Variants in DDX39A observed in about 807,000 individuals in gnomAD.
DDX39A encodes DExD-box helicase 39A, also known as ATP-dependent RNA helicase DDX39A.
In DDX39A, 13 loss-of-function variants were observed where a neutral mutation model predicts 46.3. The ratio of observed to expected loss-of-function variants is 0.28; its 90% CI spans 0.18 to 0.45. DDX39A has a LOEUF of 0.45. DDX39A is among the 20% of genes least tolerant of loss of function. The probability of loss-of-function intolerance (pLI) is 1.00; values close to 1 mark genes in which losing one functional copy is unlikely to be tolerated. For missense variants in DDX39A, 352 were observed against 581.8 expected (o/e 0.61, Z 4.06); for synonymous variants, 234 against 224.6 (o/e 1.04, Z -0.38).
At chr19:14,415,298 C>T (rs1055818892) in intron 1 of DDX39A, among the ~76,000 whole-genome samples, 11 of 151,988 alleles carry the variant, frequency 7.2e-5, no homozygotes, top group African/African-American at 2.4e-4. Context: ...TACTCCCTTC[C>T]TTTTTTTTCC....
rs1401152361 is a variant in DDX39A, at chr19:14,410,045, G to C, written c.732+171C>G. 9.3e-7 allele frequency: 1 copy of C among 1,070,900 alleles called. No homozygotes were observed. Among genetic ancestry groups the C allele is most frequent in the Non-Finnish European group, 1.4e-6 (1 of 704,166 alleles). The allele number at this position is 1,070,900 out of a possible 1,614,324, so 66.3% of individuals were successfully genotyped here. A position where few individuals can be genotyped will look rare whatever the true frequency, so the allele number is the denominator to read the frequency against. ...GGATGTAAGCTCTGGCCCGACTCAGGTGTGGACCAAGCTTGACTCCCAGTT... is the reference window on the plus strand; with the variant it reads ...GGATGTAAGCTCTGGCCCGACTCAGCTGTGGACCAAGCTTGACTCCCAGTT... On this transcript the variant is annotated intron_variant, in intron 6 of 10. Coordinates refer to ENST00000242776, the MANE Select transcript of DDX39A (RefSeq NM_005804.4). The surrounding 1 kb of genome is among the most constrained non-coding windows in gnomAD (Gnocchi z 4.3).
In DDX39A at chr19:14,412,911, C is replaced by A; in HGVS notation, c.208+102G>T. The A allele has an allele frequency of 1.4e-6, 2 of 1,398,698 alleles. No individual in the cohort carries two copies. Among genetic ancestry groups the A allele is most frequent in the Non-Finnish European group, 9.8e-7 (1 of 1,023,088 alleles). 86.6% of individuals were successfully genotyped at this position (1,398,698 alleles called of 1,614,324 possible). On this transcript the variant is annotated intron_variant, in intron 2 of 10. Transcript: ENST00000242776. This position sits in a 1 kb window ranked among gnomAD's most constrained non-coding sequence, Gnocchi z 4.4. ...TGATCCGCGGGACAGACGGGCCCCT[C>A]CCTCACCCACGGCAAACTGGAGGCG...
chr19:14,413,224 G>A lies in DDX39A; in HGVS notation c.-4C>T. ...TTTCCACATCCTGTTCTGCCATGATGCTGAGAAGAGAGAGAGGCAGGGTCC... is the reference window on the plus strand; with the variant it reads ...TTTCCACATCCTGTTCTGCCATGATACTGAGAAGAGAGAGAGGCAGGGTCC... On this transcript the variant is annotated splice_region_variant and 5_prime_UTR_variant, in exon 2 of 11. Transcript: ENST00000242776. 1 of 1,613,046 alleles carries A rather than the reference G, an allele frequency of 6.2e-7. No homozygotes were observed. Among genetic ancestry groups the A allele is most frequent in the Non-Finnish European group, 8.5e-7 (1 of 1,179,542 alleles).
At chr19:14,416,937 C>T (rs185760179) in intron 1 of DDX39A, among the ~76,000 whole-genome samples, 55 of 152,254 alleles carry the variant, frequency 3.6e-4, no homozygotes, top group Non-Finnish European at 8.8e-5. Flanking sequence ...CCTGCCTCTG[C>T]CTCCCAAAGT....
At chr19:14,418,467 G>C (rs1976909221) in intron 1 of DDX39A, among the ~76,000 whole-genome samples, 1 of 151,680 alleles carries the variant, frequency 6.6e-6, no homozygotes, top group South Asian at 2.1e-4. Context: ...TTTTCATTCT[G>C]TTTTTTTTGA....
At position 14,409,838 on chromosome 19, in the gene DDX39A, G is replaced by A. The variant is rs1324541421; in HGVS notation, c.768C>T (p.Leu256=). ...AGTACTGCTGCAGGCCGTGCAGCGT[G>A]AGCTTGGTCTCGTCGTCCACAAACA... The part of the protein sequence containing the change: ...MEVFVDDETK[L]TLHGLQQYYV... Residue 256 remains leucine, a synonymous_variant, in exon 7 of 11, where the codon CTC becomes CTT. Transcript: ENST00000242776. The surrounding 1 kb of genome is among the most constrained non-coding windows in gnomAD (Gnocchi z 8.3). The A allele has an allele frequency of 1.9e-6, 3 of 1,614,154 alleles. No individual in the cohort carries two copies. Among genetic ancestry groups the A allele is most frequent in the Non-Finnish European group, 2.5e-6 (3 of 1,180,034 alleles).
chr19:14,412,571 T>C lies in DDX39A; in HGVS notation c.316A>G (p.Ile106Val). 5 of 1,609,480 alleles carry C rather than the reference T, an allele frequency of 3.1e-6. No individual in the cohort carries two copies. Among genetic ancestry groups the C allele is most frequent in the Non-Finnish European group, 4.2e-6 (5 of 1,179,888 alleles). ...AVFVLATLQQ[I>V]EPVNGQVTVL... ...CCCACCTGTCCGTTGACAGGCTCAA[T>C]CTGCTGTAGGGTGGCCAGCACGAAG... is the stretch of plus-strand genomic sequence containing the variant. Residue 106 changes from isoleucine to valine, a missense_variant, in exon 3 of 11, where the codon ATT (isoleucine) becomes GTT (valine). Ile to Val is a conservative substitution (Grantham distance 29). Around this residue, in one of 3 missense-constraint regions of DDX39A, gnomAD observed 301 missense variants for 469.9 expected, o/e 0.64. Coordinates refer to ENST00000242776, the MANE Select transcript of DDX39A (RefSeq NM_005804.4). This position sits in a 1 kb window ranked among gnomAD's most constrained non-coding sequence, Gnocchi z 4.4.
rs1163219822 is a variant in DDX39A, at chr19:14,413,098, G to A, written c.123C>T (p.Ile41=). 2.5e-6 allele frequency: 4 copies of A among 1,614,082 alleles called. No homozygotes were observed. The highest frequency in any genetic ancestry group is 3.4e-6 in the Non-Finnish European group (4 of 1,180,052). Residue 41 remains isoleucine, a synonymous_variant, in exon 2 of 11, where the codon ATC becomes ATT. Transcript: ENST00000242776. ...GAAAGTCCCGGAAGCCAGAGCTGTG[G>A]ATGGAAACGTAGGATCCCTTGATGT... ...KKDIKGSYVS[I]HSSGFRDFLL... is the part of the protein sequence containing the mutation.
At position 14,410,195 on chromosome 19, in the gene DDX39A, T is replaced by C; in HGVS notation, c.732+21A>G. ...CCAGGCCCCTGGGGAAGGCCAAAGC[T>C]GCCACTCTCGCCCTACTCACATCCT... is the stretch of plus-strand genomic sequence containing the variant. On this transcript the variant is annotated intron_variant, in intron 6 of 10. Coordinates refer to ENST00000242776, the MANE Select transcript of DDX39A (RefSeq NM_005804.4). The surrounding 1 kb of genome is among the most constrained non-coding windows in gnomAD (Gnocchi z 4.3). 1 of 1,607,344 alleles carries C rather than the reference T, an allele frequency of 6.2e-7. No homozygotes were observed. The highest frequency in any genetic ancestry group is 1.1e-5 in the South Asian group (1 of 90,976).
rs1235446471 is a variant in DDX39A at position 14,410,871 on chromosome 19, T to C, written c.613+118A>G. 3 of 941,052 alleles carry C rather than the reference T, an allele frequency of 3.2e-6. No individual in the cohort carries two copies. Among genetic ancestry groups the C allele is most frequent in the Admixed American group, 3.2e-5 (1 of 31,564 alleles). The allele number at this position is 941,052 out of a possible 1,614,324, so 58.3% of individuals were successfully genotyped here. ...GCCAGCAGCAGAGCTTTCCCCAAGA[T>C]CACCACAGGAGCCCCGCCTGCCGGC... is the stretch of plus-strand genomic sequence containing the variant. On this transcript the variant is annotated intron_variant, in intron 5 of 10. Transcript: ENST00000242776. The surrounding 1 kb of genome is among the most constrained non-coding windows in gnomAD (Gnocchi z 4.3).
At chr19:14,413,691 T>C (rs561851199) in intron 1 of DDX39A, among the ~76,000 whole-genome samples, 27 of 152,274 alleles carry the variant, frequency 1.8e-4, no homozygotes, top group African/African-American at 6.0e-4. Context: ...GTGAACCTCC[T>C]CAGACTACTC....
intron 1 of DDX39A, among the ~76,000 whole-genome samples, chr19:14,418,144 A>AAAAG (rs1555713108): frequency 6.7e-6 from 1 of 148,688 alleles, no homozygotes; most frequent in African/African-American, 2.5e-5. Context: ...AAAAAAAAAA[A>AAAAG]AGAGAGAGAG....
In DDX39A at chr19:14,412,035, C is replaced by G. The variant is rs1454715010; in HGVS notation, c.337-437G>C. Reference sequence around the variant, plus strand: ...AGGATGTGCTCTGAGATAACGAGGGCACGGGCGCCAATATGAAGCCCAAAG... The same window carrying G: ...AGGATGTGCTCTGAGATAACGAGGGGACGGGCGCCAATATGAAGCCCAAAG... On this transcript the variant is annotated intron_variant, in intron 3 of 10. Transcript: ENST00000242776. The surrounding 1 kb of genome is among the most constrained non-coding windows in gnomAD (Gnocchi z 4.4). 1.3e-5 allele frequency among the ~76,000 whole-genome samples: 2 copies of G among 152,170 alleles called. No homozygotes were observed. Among genetic ancestry groups the G allele is most frequent in the Non-Finnish European group, 2.9e-5 (2 of 68,034 alleles).
In DDX39A at chr19:14,409,952, G is replaced by A. The variant is rs538277449; in HGVS notation, c.733-79C>T. 63 of 1,555,504 alleles carry A rather than the reference G, an allele frequency of 4.1e-5. No individual in the cohort carries two copies. The East Asian group carries it at 1.2e-3, about 29-fold the overall frequency. Reference sequence around the variant, plus strand: ...GCCTGCCCAGAACCTTCCAGTGGGCGACTCCTTTGTGCGACACTTCCCAGA... The same window carrying A: ...GCCTGCCCAGAACCTTCCAGTGGGCAACTCCTTTGTGCGACACTTCCCAGA... On this transcript the variant is annotated intron_variant, in intron 6 of 10. Coordinates refer to ENST00000242776, the MANE Select transcript of DDX39A (RefSeq NM_005804.4). The surrounding 1 kb of genome is among the most constrained non-coding windows in gnomAD (Gnocchi z 8.3).
intron 1 of DDX39A, among the ~76,000 whole-genome samples, chr19:14,414,756 G>C (rs1976737371): frequency 6.7e-6 from 1 of 149,320 alleles, no homozygotes; most frequent in Non-Finnish European, 1.5e-5. Context: ...CTGAAGTCAG[G>C]AGTTCGAGAC....
chr19:14,411,313 C>T lies in DDX39A; in HGVS notation c.430-141G>A. On this transcript the variant is annotated intron_variant, in intron 4 of 10. Transcript: ENST00000242776. This position sits in a 1 kb window ranked among gnomAD's most constrained non-coding sequence, Gnocchi z 4.1. ...TCCCGGGGCTCCACTCAAAGGCAGC[C>T]CCAGGCTGGGACCTGCGCAGGCCCC... 1 of 1,132,054 alleles carries T rather than the reference C, an allele frequency of 8.8e-7. No individual in the cohort carries two copies. The highest frequency in any genetic ancestry group is 1.2e-6 in the Non-Finnish European group (1 of 802,530). The allele number at this position is 1,132,054 out of a possible 1,614,324, so 70.1% of individuals were successfully genotyped here. A position where few individuals can be genotyped will look rare whatever the true frequency, so the allele number is the denominator to read the frequency against.
At position 14,412,080 on chromosome 19, in the gene DDX39A, C is replaced by T. The variant is rs762693568; in HGVS notation, c.336+471G>A. On this transcript the variant is annotated intron_variant, in intron 3 of 10. Transcript: ENST00000242776. This position sits in a 1 kb window ranked among gnomAD's most constrained non-coding sequence, Gnocchi z 4.4. ...CCAAAGATGTGCACCTGGCCTGACT[C>T]GGGAGCAAGACACCAGAATTCACTG... Among the ~76,000 whole-genome samples the T allele has an allele frequency of 3.3e-5, 5 of 152,164 alleles. No homozygotes were observed. Among genetic ancestry groups the T allele is most frequent in the South Asian group, 2.1e-4 (1 of 4,836 alleles).
At chr19:14,419,072 C>A (rs1197636448) in intron 1 of DDX39A, 198 bp downstream of exon 1, 1 of 444,734 alleles carries the variant, frequency 2.2e-6, no homozygotes, top group Non-Finnish European at 4.5e-6. Flanking sequence ...CGCGCGCCAA[C>A]GGCTGGCCCA....
Position 14,409,820 on chromosome 19 carries a change from C to T in DDX39A, c.786G>A (p.Gln262=). Residue 262 remains glutamine (Q), a synonymous_variant, in exon 7 of 11, where the codon CAG becomes CAA. Transcript: ENST00000242776. The surrounding 1 kb of genome is among the most constrained non-coding windows in gnomAD (Gnocchi z 8.3). The part of the protein sequence containing the change: ...DETKLTLHGL[Q]QYYVKLKDSE... Reference sequence around the variant, plus strand: ...TGTCTTTGAGTTTGACGTAGTACTGCTGCAGGCCGTGCAGCGTGAGCTTGG... The same window carrying T: ...TGTCTTTGAGTTTGACGTAGTACTGTTGCAGGCCGTGCAGCGTGAGCTTGG... 3 of 1,614,170 alleles carry T rather than the reference C, an allele frequency of 1.9e-6. No homozygotes were observed. Among genetic ancestry groups the T allele is most frequent in the Non-Finnish European group, 2.5e-6 (3 of 1,180,028 alleles).
Sources: gnomAD v4.1 joint callset for allele counts (sites outside exome capture counted in the v4.1 genomes callset) on GRCh38, gnomAD v4.1.1 for gene constraint, gnomAD v4.1.1 regional missense constraint, Gnocchi (gnomAD v3.1) non-coding constraint, MANE v1.5 for transcripts, NCBI Gene and HGNC (gene_info 2026-07-23, HGNC 2026-07-21) for gene names.